Variants in ARMC2 observed in about 807,000 individuals in gnomAD.
ARMC2 encodes the protein armadillo repeat containing 2.
In ARMC2, 67 loss-of-function variants were observed where a neutral mutation model predicts 90.3. That is an observed-to-expected ratio of 0.74 (90% CI 0.61 to 0.91). The LOEUF (loss-of-function observed/expected upper bound fraction) is 0.91. ARMC2 is among the 40% of genes least tolerant of loss of function. ARMC2 has a pLI of 0.00. For missense variants in ARMC2, 920 were observed against 1,030.9 expected, an observed-to-expected ratio of 0.89 and a Z score of 1.47; for synonymous variants, 393 against 393.0, an observed-to-expected ratio of 1.00 and a Z score of 0.00.
At chr6:108,973,183 G>A (rs1030858724) in intron 17 of ARMC2, among the ~76,000 whole-genome samples, 174 bp from the exon 18 acceptor site, 2 of 152,020 alleles carry the variant, frequency 1.3e-5, no homozygotes, top group Non-Finnish European at 2.9e-5. Flanking sequence ...AAAATAAAAT[G>A]ATGTATTCAT....
At chr6:108,868,461 C>G (rs11752394) in intron 3 of ARMC2, among the ~76,000 whole-genome samples, 110,107 of 152,004 alleles carry the variant, frequency 0.72, 40,311 homozygotes, top group Middle Eastern at 0.79. Context: ...AAGTGATCCA[C>G]CTGCCTCGGC....
chr6:108,956,001 C>A (rs1036123905), intron 13 of ARMC2, among the ~76,000 whole-genome samples: 4 of 152,222 alleles, frequency 2.6e-5, no homozygotes, highest in Admixed American at 2.0e-4. Context: ...TTAATGCCTC[C>A]TTTGCCCCCA....
chr6:108,892,043 A>G (rs1367281844), intron 5 of ARMC2, among the ~76,000 whole-genome samples: 1 of 152,210 alleles, frequency 6.6e-6, no homozygotes, highest in Admixed American at 6.5e-5. Flanking sequence ...AGGCAACCTC[A>G]TCACTGACCA....
At chr6:108,926,977 TG>T (rs1490469627) in intron 10 of ARMC2, among the ~76,000 whole-genome samples, 1 of 151,234 alleles carries the variant, frequency 6.6e-6, no homozygotes, top group Non-Finnish European at 1.5e-5. Flanking sequence ...TATATTTTAA[TG>T]TATCTTTTTG....
At chr6:108,990,561 G>A in the ARMC2 span, 31 of 1,200,008 alleles carry the variant, frequency 2.6e-5, no homozygotes, top group African/African-American at 4.4e-4. Flanking sequence ...TTATGTGTGT[G>A]TCTATGTGCA....
At chr6:108,919,643 A>C (rs1329564228) in intron 10 of ARMC2, among the ~76,000 whole-genome samples, 5 of 152,232 alleles carry the variant, frequency 3.3e-5, no homozygotes, top group Admixed American at 3.3e-4. Flanking sequence ...TATAATCTAC[A>C]TCCAATAAAA....
intron 8 of ARMC2, among the ~76,000 whole-genome samples, chr6:108,909,622 G>A (rs947160224): frequency 9.2e-5 from 14 of 151,952 alleles, no homozygotes; most frequent in African/African-American, 2.9e-4. Context: ...TGCAACCTCC[G>A]CCTCCCGGGT....
At chr6:109,023,870 T>G in the ARMC2 span, among the ~76,000 whole-genome samples, 1 of 152,202 alleles carries the variant, frequency 6.6e-6, no homozygotes, top group Non-Finnish European at 1.5e-5. Flanking sequence ...TTTCATATAT[T>G]TAAAGCATAA....
the ARMC2 span, chr6:108,990,789 T>A: frequency 3.7e-6 from 6 of 1,613,986 alleles, no homozygotes; most frequent in Admixed American, 5.0e-5. Flanking sequence ...CACATCTGGA[T>A]AAAGGCGATT....
intron 12 of ARMC2, among the ~76,000 whole-genome samples, chr6:108,950,461 A>G (rs1300826418): frequency 1.3e-5 from 2 of 152,206 alleles, no homozygotes; most frequent in Non-Finnish European, 2.9e-5. Flanking sequence ...GAGTGAGATC[A>G]TGTCCTTTGC....
intron 1 of ARMC2, among the ~76,000 whole-genome samples, chr6:108,849,314 G>C (rs1157253203): frequency 6.6e-6 from 1 of 152,078 alleles, no homozygotes; most frequent in African/African-American, 2.4e-5. Context: ...TGGGATTCTG[G>C]TTGTTGATGT....
intron 6 of ARMC2, among the ~76,000 whole-genome samples, chr6:108,898,775 G>A (rs891829718): frequency 6.6e-6 from 1 of 152,124 alleles, no homozygotes; most frequent in Non-Finnish European, 1.5e-5. Flanking sequence ...AATGGAGACA[G>A]TTTGGGAACC....
chr6:108,875,458 C>T (rs1776841593), intron 4 of ARMC2, among the ~76,000 whole-genome samples: 1 of 152,050 alleles, frequency 6.6e-6, no homozygotes. Flanking sequence ...CCACTTCAGC[C>T]TACCTTAGAG....
the ARMC2 span, among the ~76,000 whole-genome samples, chr6:109,022,904 GT>G: frequency 6.6e-6 from 1 of 152,116 alleles, no homozygotes; most frequent in Non-Finnish European, 1.5e-5. Flanking sequence ...GCCTGATAAT[GT>G]TTTAGTTTTG....
intron 7 of ARMC2, among the ~76,000 whole-genome samples, chr6:108,902,216 G>A (rs915340493): frequency 1.3e-5 from 2 of 152,190 alleles, no homozygotes; most frequent in African/African-American, 4.8e-5. Context: ...TTGATAGTTT[G>A]TAGATTCAAG....
the ARMC2 span, among the ~76,000 whole-genome samples, chr6:109,012,601 A>G: frequency 6.6e-6 from 1 of 152,204 alleles, no homozygotes; most frequent in African/African-American, 2.4e-5. Context: ...CCTGAAGGAA[A>G]AAGACACCTG....
intron 7 of ARMC2, among the ~76,000 whole-genome samples, chr6:108,902,102 C>G (rs1772219491): frequency 6.6e-6 from 1 of 152,176 alleles, no homozygotes; most frequent in African/African-American, 2.4e-5. Context: ...TTTATTCTTT[C>G]CTTTGTAATG....
At chr6:108,954,170 C>T (rs1457003246) in intron 13 of ARMC2, among the ~76,000 whole-genome samples, 1 of 152,150 alleles carries the variant, frequency 6.6e-6, no homozygotes, top group East Asian at 1.9e-4. Flanking sequence ...GTCTTATCTC[C>T]AAATACAAGC....
the ARMC2 span, among the ~76,000 whole-genome samples, chr6:109,028,401 G>C: frequency 6.6e-6 from 1 of 151,988 alleles, no homozygotes; most frequent in Admixed American, 6.6e-5. Context: ...TCTCGAATGG[G>C]GCTAATTTGT....
Sources: gnomAD v4.1 joint callset for allele counts (sites outside exome capture counted in the v4.1 genomes callset) on GRCh38, gnomAD v4.1.1 for gene constraint, MANE v1.5 for transcripts, NCBI Gene and HGNC (gene_info 2026-07-23, HGNC 2026-07-21) for gene names.